Variants in HTR1F observed in about 807,000 individuals in gnomAD.
HTR1F encodes the protein 5-hydroxytryptamine receptor 1F.
In HTR1F, 17 loss-of-function variants were observed where a neutral mutation model predicts 24.0. The observed-to-expected ratio is 0.71, with a 90% confidence interval of 0.48 to 1.06. The LOEUF is 1.06. Ranked by LOEUF, HTR1F falls within the 50% of genes least tolerant of loss-of-function variation. HTR1F has a pLI of 0.00. For synonymous variants in HTR1F, 186 were observed against 156.8 expected (o/e 1.19, Z -1.39); for missense variants, 391 against 427.8 (o/e 0.91, Z 0.76).
intron 2 of HTR1F, among the ~76,000 whole-genome samples, chr3:87,929,585 A>G (rs574273633): frequency 6.6e-6 from 1 of 152,008 alleles, no homozygotes; most frequent in African/African-American, 2.4e-5. Flanking sequence ...ATTTTTGTCA[A>G]CTTTGTGGAA....
intron 2 of HTR1F, among the ~76,000 whole-genome samples, chr3:87,865,423 A>T (rs1288156176): frequency 6.6e-6 from 1 of 152,144 alleles, no homozygotes; most frequent in Non-Finnish European, 1.5e-5. Flanking sequence ...CAGGAAATAG[A>T]ATATTATCAG....
At chr3:87,828,940 T>C (rs1704517702) in intron 2 of HTR1F, among the ~76,000 whole-genome samples, 1 of 152,130 alleles carries the variant, frequency 6.6e-6, no homozygotes, top group Non-Finnish European at 1.5e-5. Flanking sequence ...CTTCCTGGAT[T>C]CTTCAGGTGC....
At chr3:87,929,683 T>C (rs1198483621) in intron 2 of HTR1F, among the ~76,000 whole-genome samples, 1 of 152,230 alleles carries the variant, frequency 6.6e-6, no homozygotes, top group Non-Finnish European at 1.5e-5. Flanking sequence ...AGCAGGACCA[T>C]GCTGTTTTGG....
At chr3:87,833,434 GT>G (rs1432282960) in intron 2 of HTR1F, among the ~76,000 whole-genome samples, 2 of 152,076 alleles carry the variant, frequency 1.3e-5, no homozygotes, top group African/African-American at 4.8e-5. Context: ...GTCAGAACCT[GT>G]GAGCTGGAAC....
At chr3:87,895,138 C>T (rs565675718) in intron 2 of HTR1F, among the ~76,000 whole-genome samples, 4 of 152,206 alleles carry the variant, frequency 2.6e-5, no homozygotes, top group South Asian at 2.1e-4. Context: ...GTAGGTTTGC[C>T]TTTTACTAGG....
intron 2 of HTR1F, among the ~76,000 whole-genome samples, chr3:87,967,593 G>C (rs912178166): frequency 1.3e-5 from 2 of 151,866 alleles, no homozygotes; most frequent in South Asian, 2.1e-4. Flanking sequence ...TCATGGGGGG[G>C]GGTGGGTAGG....
At chr3:87,892,924 ATAAT>A (rs1197195728) in intron 2 of HTR1F, among the ~76,000 whole-genome samples, 2 of 152,130 alleles carry the variant, frequency 1.3e-5, no homozygotes, top group African/African-American at 2.4e-5. Flanking sequence ...TTTCCTATGA[ATAAT>A]TAATTAAATT....
chr3:87,867,959 A>G (rs1329399552), intron 2 of HTR1F, among the ~76,000 whole-genome samples: 1 of 152,148 alleles, frequency 6.6e-6, no homozygotes, highest in East Asian at 1.9e-4. Context: ...CTGTAGCACT[A>G]AGTAAACAGA....
At chr3:87,813,237 C>T (rs1161955921) in intron 1 of HTR1F, among the ~76,000 whole-genome samples, 4 of 152,196 alleles carry the variant, frequency 2.6e-5, no homozygotes, top group Admixed American at 6.5e-5. Context: ...AAGCCCATCC[C>T]TTGCATCAGC....
intron 2 of HTR1F, among the ~76,000 whole-genome samples, chr3:87,839,194 T>A (rs1368669636): frequency 1.3e-5 from 2 of 152,142 alleles, no homozygotes; most frequent in East Asian, 3.9e-4. Context: ...CCAATAGTTT[T>A]ACAATTTAGG....
chr3:87,901,759 T>C (rs1706329153), intron 2 of HTR1F, among the ~76,000 whole-genome samples: 1 of 152,104 alleles, frequency 6.6e-6, no homozygotes, highest in African/African-American at 2.4e-5. Flanking sequence ...TAACTATTTA[T>C]GTAGGAGGAT....
intron 2 of HTR1F, among the ~76,000 whole-genome samples, chr3:87,917,287 A>T (rs183171526): frequency 6.6e-6 from 1 of 151,872 alleles, no homozygotes; most frequent in Non-Finnish European, 1.5e-5. Context: ...ATCTAAGGTC[A>T]CACCTCAAGA....
intron 2 of HTR1F, among the ~76,000 whole-genome samples, chr3:87,944,135 T>A (rs1020514990): frequency 1.3e-5 from 2 of 152,086 alleles, no homozygotes; most frequent in East Asian, 1.9e-4. Context: ...AAGAAAGGGG[T>A]CTGGGCTGCT....
chr3:87,817,889 T>C (rs1306999837), intron 1 of HTR1F, among the ~76,000 whole-genome samples: 1 of 152,218 alleles, frequency 6.6e-6, no homozygotes, highest in Non-Finnish European at 1.5e-5. Flanking sequence ...AGCACAGCTC[T>C]ATCAAATTCA....
intron 2 of HTR1F, among the ~76,000 whole-genome samples, chr3:87,851,536 C>G (rs1705086415): frequency 6.6e-6 from 1 of 151,550 alleles, no homozygotes; most frequent in Admixed American, 6.6e-5. Context: ...TTGCATCTTA[C>G]TTTTATTGCT....
chr3:87,978,838 G>C (rs1705456672), intron 2 of HTR1F, among the ~76,000 whole-genome samples: 1 of 136,828 alleles, frequency 7.3e-6, no homozygotes, highest in African/African-American at 2.7e-5. Context: ...ACCCTAATGG[G>C]CAATCAGGGA....
At chr3:87,981,109 A>C (rs903903426) in intron 2 of HTR1F, among the ~76,000 whole-genome samples, 1 of 152,180 alleles carries the variant, frequency 6.6e-6, no homozygotes, top group African/African-American at 2.4e-5. Flanking sequence ...CACCTGCCAC[A>C]GCTGGTCTGT....
chr3:87,926,833 C>T (rs771752193), intron 2 of HTR1F, among the ~76,000 whole-genome samples: 18 of 152,102 alleles, frequency 1.2e-4, no homozygotes, highest in African/African-American at 1.9e-4. Context: ...GCAATCAGGA[C>T]GACACGGTGA....
At position 87,792,892 on chromosome 3, in the gene HTR1F, G is replaced by A. The variant is rs1169554636; in HGVS notation, c.-160+50G>A. On this transcript the variant is annotated intron_variant, in intron 1 of 2. Transcript: ENST00000319595. ...CCCGGGAGTGCGGGTCACGCCCGCA[G>A]CTGGCGCGCAGGTGGGGAAGGGGTG... 5.3e-5 allele frequency among the ~76,000 whole-genome samples: 8 copies of A among 152,234 alleles called. No individual in the cohort carries two copies. The East Asian group carries it at 5.8e-4, about 11-fold the overall frequency.
Sources: gnomAD v4.1 joint callset for allele counts (sites outside exome capture counted in the v4.1 genomes callset) on GRCh38, gnomAD v4.1.1 for gene constraint, MANE v1.5 for transcripts, NCBI Gene and HGNC (gene_info 2026-07-23, HGNC 2026-07-21) for gene names.